Variants in COL8A1 observed in about 807,000 individuals in gnomAD.
The protein encoded by COL8A1 is collagen alpha-1(VIII) chain.
In COL8A1, 21 loss-of-function variants were observed where a neutral mutation model predicts 42.7. The ratio of observed to expected loss-of-function variants is 0.49; its 90% CI spans 0.35 to 0.71. The LOEUF is 0.71. COL8A1 is among the 30% of genes least tolerant of loss of function. The probability of loss-of-function intolerance (pLI) is 0.01; values close to 1 mark genes in which losing one functional copy is unlikely to be tolerated. For missense variants in COL8A1, 788 were observed against 962.4 expected (o/e 0.82, Z 2.40); for synonymous variants, 367 against 369.1 (o/e 0.99, Z 0.06).
intron 2 of COL8A1, among the ~76,000 whole-genome samples, chr3:99,755,187 A>T (rs1436866201): frequency 7.2e-5 from 11 of 152,234 alleles, no homozygotes; most frequent in Admixed American, 7.2e-4. Flanking sequence ...AAGAAACTTT[A>T]AACAACTTGA....
intron 1 of COL8A1, among the ~76,000 whole-genome samples, chr3:99,684,081 C>T (rs1019945672): frequency 4.6e-5 from 7 of 152,064 alleles, no homozygotes; most frequent in Non-Finnish European, 7.4e-5. Context: ...GCTCAGTGCT[C>T]TCGGGTCTGA....
At chr3:99,705,973 C>T (rs1645720961) in intron 1 of COL8A1, among the ~76,000 whole-genome samples, 1 of 152,120 alleles carries the variant, frequency 6.6e-6, no homozygotes, top group South Asian at 2.1e-4. Context: ...CTATTCTACA[C>T]TTTCATAAAT....
At chr3:99,727,941 AC>A (rs764042972) in intron 1 of COL8A1, among the ~76,000 whole-genome samples, 15 of 151,316 alleles carry the variant, frequency 9.9e-5, no homozygotes, top group South Asian at 2.1e-4. Context: ...AAATTCAACA[AC>A]CCTTCATGCT....
Position 99,711,744 on chromosome 3 carries a change from A to G in COL8A1, c.-128-33153A>G, listed in dbSNP as rs1296234212. ...GGAAAAAGGTGAATTTTACTTTGAG[A>G]GTAGAGAGAGAGTATATGGGATACA... On this transcript the variant is annotated intron_variant, in intron 1 of 3. Coordinates refer to ENST00000652472, the MANE Select transcript of COL8A1 (RefSeq NM_020351.4). Among the ~76,000 whole-genome samples the G allele has an allele frequency of 4.6e-5, 7 of 152,296 alleles. No homozygotes were observed. In the East Asian group the frequency reaches 1.4e-3, roughly 29 times the overall value.
intron 2 of COL8A1, among the ~76,000 whole-genome samples, chr3:99,749,855 C>A (rs756286185): frequency 1.3e-5 from 2 of 151,794 alleles, no homozygotes; most frequent in African/African-American, 2.4e-5. Flanking sequence ...GAACCTAAAT[C>A]AAAATGGCTC....
intron 1 of COL8A1, among the ~76,000 whole-genome samples, chr3:99,654,923 GT>G (rs1438366276): frequency 6.6e-6 from 1 of 152,094 alleles, no homozygotes; most frequent in Non-Finnish European, 1.5e-5. Context: ...TATTATCTCA[GT>G]TTTGTTTGGT....
chr3:99,794,149 C>G lies in COL8A1; in HGVS notation c.329-81C>G. ...CAGAACTAAATAATGGTTGTCAGTA[C>G]TTCATTGATGTGAGAGACAATCTAC... On this transcript the variant is annotated intron_variant, in intron 3 of 3. Transcript: ENST00000652472. This position sits in a 1 kb window ranked among gnomAD's most constrained non-coding sequence, Gnocchi z 4.3. 1 of 864,072 alleles carries G rather than the reference C, an allele frequency of 1.2e-6. No individual in the cohort carries two copies. The allele number at this position is 864,072 out of a possible 1,614,324, so 53.5% of individuals were successfully genotyped here. A position where few individuals can be genotyped will look rare whatever the true frequency, so the allele number is the denominator to read the frequency against.
intron 1 of COL8A1, among the ~76,000 whole-genome samples, chr3:99,711,913 G>A (rs1343019985): frequency 1.3e-5 from 2 of 151,898 alleles, no homozygotes; most frequent in African/African-American, 4.8e-5. Flanking sequence ...GCTGGTGGGG[G>A]AAAAAAAGCA....
Position 99,790,597 on chromosome 3 carries a change from T to C in COL8A1, c.-3-83T>C, listed in dbSNP as rs187057866. ...GATGTTAAAGACTGTTTCCCTTTTTTTTCCCCATTCTATCTCTAAATAAAC... is the reference window on the plus strand; with the variant it reads ...GATGTTAAAGACTGTTTCCCTTTTTCTTCCCCATTCTATCTCTAAATAAAC... On this transcript the variant is annotated intron_variant, in intron 2 of 3. Transcript: ENST00000652472. The C allele has an allele frequency of 5.0e-4, 554 of 1,104,614 alleles. No homozygotes were observed. The African/African-American group carries it at 5.8e-3, about 12-fold the overall frequency. The allele number at this position is 1,104,614 out of a possible 1,614,324, so 68.4% of individuals were successfully genotyped here.
At chr3:99,675,950 T>C (rs566595204) in intron 1 of COL8A1, among the ~76,000 whole-genome samples, 5 of 152,196 alleles carry the variant, frequency 3.3e-5, no homozygotes, top group Admixed American at 3.3e-4. Context: ...CTATGTGAAA[T>C]GTCTTGGCGA....
At chr3:99,699,801 TCACATA>T (rs1553723090) in intron 1 of COL8A1, among the ~76,000 whole-genome samples, 17 of 152,194 alleles carry the variant, frequency 1.1e-4, no homozygotes, top group South Asian at 2.1e-4. Context: ...CCGTCCCACC[TCACATA>T]CACATACACA....
intron 1 of COL8A1, among the ~76,000 whole-genome samples, chr3:99,675,492 G>A (rs963693622): frequency 6.6e-6 from 1 of 151,916 alleles, no homozygotes; most frequent in Admixed American, 6.6e-5. Flanking sequence ...AAGTTAATTT[G>A]GTTACTTGCC....
In COL8A1 at chr3:99,669,154, G is replaced by T. The variant is rs1468878872; in HGVS notation, c.-129+30490G>T. 3.1e-3 allele frequency among the ~76,000 whole-genome samples: 183 copies of T among 58,572 alleles called. 1 individual carries two copies. The East Asian group carries it at 0.042, about 13-fold the overall frequency. The allele number at this position is 58,572 out of a possible 152,430, so 38.4% of individuals were successfully genotyped here. A position where few individuals can be genotyped will look rare whatever the true frequency, so the allele number is the denominator to read the frequency against. On this transcript the variant is annotated intron_variant, in intron 1 of 3. Transcript: ENST00000652472. ...ATATATATATATATATATAGAGGGAGAGAGAGAGAGAGAGAGAGAGAGAGA... is the reference window on the plus strand; with the variant it reads ...ATATATATATATATATATAGAGGGATAGAGAGAGAGAGAGAGAGAGAGAGA...
At chr3:99,774,108 G>A (rs1373321937) in intron 2 of COL8A1, among the ~76,000 whole-genome samples, 1 of 150,772 alleles carries the variant, frequency 6.6e-6, no homozygotes, top group African/African-American at 2.4e-5. Flanking sequence ...GCCTCCCAAA[G>A]TGCTGGGATT....
chr3:99,754,445 A>G (rs1441897517), intron 2 of COL8A1, among the ~76,000 whole-genome samples: 1 of 151,200 alleles, frequency 6.6e-6, no homozygotes, highest in African/African-American at 2.4e-5. Flanking sequence ...TTTTTTTTTC[A>G]AATTGTCTCT....
chr3:99,708,085 A>G (rs895095058), intron 1 of COL8A1, among the ~76,000 whole-genome samples: 6 of 152,030 alleles, frequency 3.9e-5, no homozygotes, highest in Non-Finnish European at 7.4e-5. Flanking sequence ...TCAACAACAC[A>G]CATTCCAGAG....
At position 99,762,551 on chromosome 3, in the gene COL8A1, C is replaced by T. The variant is rs192694226; in HGVS notation, c.-4+17530C>T. On this transcript the variant is annotated intron_variant, in intron 2 of 3. Transcript: ENST00000652472. ...TGAGTTCTTTTGTTCCCACCCTCAA[C>T]TCTGCCATGGACCACAACAGATTTC... Among the ~76,000 whole-genome samples the T allele has an allele frequency of 6.3e-3, 965 of 152,296 alleles. 12 individuals are homozygous for T. Among genetic ancestry groups the T allele is most frequent in the African/African-American group, 0.022 (923 of 41,550 alleles).
intron 1 of COL8A1, chr3:99,677,653 A>C (rs1278001445): frequency 1.3e-5 from 2 of 152,216 alleles, no homozygotes; most frequent in Non-Finnish European, 2.9e-5. Context: ...TCTGAATACT[A>C]CGTCAGGCAA....
At chr3:99,657,799 C>G (rs1204845712) in intron 1 of COL8A1, among the ~76,000 whole-genome samples, 1 of 152,150 alleles carries the variant, frequency 6.6e-6, no homozygotes, top group Non-Finnish European at 1.5e-5. Flanking sequence ...AGTGTTCTTT[C>G]TTGGTACACA....
Sources: gnomAD v4.1 joint callset for allele counts (sites outside exome capture counted in the v4.1 genomes callset) on GRCh38, gnomAD v4.1.1 for gene constraint, Gnocchi (gnomAD v3.1) non-coding constraint, MANE v1.5 for transcripts, NCBI Gene and HGNC (gene_info 2026-07-23, HGNC 2026-07-21) for gene names.